The following RANBP3 variants were observed in gnomAD, a reference collection of about 807,000 sequenced individuals.
The protein encoded by RANBP3 is ran-binding protein 3.
In RANBP3, 14 loss-of-function variants were observed where a neutral mutation model predicts 77.3. The ratio of observed to expected loss-of-function variants is 0.18; its 90% CI spans 0.12 to 0.28. RANBP3 has a LOEUF of 0.28. Ranked by LOEUF, RANBP3 falls within the 10% of genes least tolerant of loss-of-function variation. RANBP3 has a pLI of 1.00. For missense variants in RANBP3, 586 were observed against 752.3 expected (o/e 0.78, Z 2.59); for synonymous variants, 315 against 312.4 (o/e 1.01, Z -0.09).
intron 14 of RANBP3, among the ~76,000 whole-genome samples, chr19:5,919,850 G>A (rs1441636327): frequency 7.0e-6 from 1 of 141,854 alleles, no homozygotes. Flanking sequence ...GCGGTGGGCC[G>A]AAACGAAGCC....
chr19:5,920,947 C>T, intron 14 of RANBP3: 1 of 319,816 alleles, frequency 3.1e-6, no homozygotes, highest in Non-Finnish European at 5.7e-6. Flanking sequence ...TAAAAACTTC[C>T]ATAGACTTTT....
At chr19:5,919,510 C>CAGGCAGAGGGGATGACCT (rs1833821205) in intron 14 of RANBP3, among the ~76,000 whole-genome samples, 1 of 152,222 alleles carries the variant, frequency 6.6e-6, no homozygotes, top group Non-Finnish European at 1.5e-5. Flanking sequence ...GCTGATGACC[C>CAGGCAGAGGGGATGACCT]AGGCAGAGGG....
At chr19:5,946,570 G>A (rs1208330117) in intron 3 of RANBP3, among the ~76,000 whole-genome samples, 5 of 152,190 alleles carry the variant, frequency 3.3e-5, no homozygotes, top group African/African-American at 7.2e-5. Context: ...AAGACCCAGC[G>A]GAGGGAAGCA....
chr19:5,961,608 C>T (rs866010451), intron 1 of RANBP3, among the ~76,000 whole-genome samples: 18 of 152,120 alleles, frequency 1.2e-4, no homozygotes, highest in African/African-American at 4.3e-4. Flanking sequence ...GTGGCGCAAC[C>T]TGTAAGCCCA....
intron 13 of RANBP3, among the ~76,000 whole-genome samples, chr19:5,922,624 C>G (rs2057837722): frequency 6.6e-6 from 1 of 152,228 alleles, no homozygotes; most frequent in Admixed American, 6.5e-5. Context: ...GTATGACAGT[C>G]TTTGTCATTC....
At chr19:5,969,667 G>A (rs1251968698) in intron 1 of RANBP3, among the ~76,000 whole-genome samples, 1 of 152,216 alleles carries the variant, frequency 6.6e-6, no homozygotes, top group Admixed American at 6.5e-5. Flanking sequence ...TAGACTCCAT[G>A]GCTGGAGACA....
At position 5,924,538 on chromosome 19, in the gene RANBP3, C is replaced by T. The variant is rs565097732; in HGVS notation, c.996+289G>A. Among the ~76,000 whole-genome samples, 44 of 152,342 alleles carry T rather than the reference C, an allele frequency of 2.9e-4. No individual in the cohort carries two copies. The highest frequency in any genetic ancestry group is 2.0e-3 in the Admixed American group (31 of 15,306). On this transcript the variant is annotated intron_variant, in intron 11 of 16. Coordinates refer to ENST00000340578, the MANE Select transcript of RANBP3 (RefSeq NM_007322.3). The surrounding 1 kb of genome is among the most constrained non-coding windows in gnomAD (Gnocchi z 4.7). ...CCTGGTGGGGAGGAACCATGGACCCCGACTGCCAGCAGGACCCTGCAGCCT... is the reference window on the plus strand; with the variant it reads ...CCTGGTGGGGAGGAACCATGGACCCTGACTGCCAGCAGGACCCTGCAGCCT...
At chr19:5,947,271 G>A (rs1203556855) in intron 3 of RANBP3, among the ~76,000 whole-genome samples, 24 of 148,128 alleles carry the variant, frequency 1.6e-4, no homozygotes, top group Non-Finnish European at 3.1e-4. Flanking sequence ...CCCAGATGGC[G>A]CCACTGCTCT....
chr19:5,956,756 G>C (rs1239950670), intron 2 of RANBP3, among the ~76,000 whole-genome samples: 2 of 152,194 alleles, frequency 1.3e-5, no homozygotes, highest in African/African-American at 4.8e-5. Flanking sequence ...GCTGGCTTTG[G>C]GACAGGACCT....
At chr19:5,964,848 A>AG (rs1327034714) in intron 1 of RANBP3, among the ~76,000 whole-genome samples, 3 of 4,726 alleles carry the variant, frequency 6.3e-4, no homozygotes, top group Admixed American at 3.7e-3. Context: ...TGGAGGTGGT[A>AG]GGGTGGGGGG....
At chr19:5,941,746 T>A in intron 4 of RANBP3, 39 bp from the exon 5 acceptor site, 1 of 1,612,456 alleles carries the variant, frequency 6.2e-7, no homozygotes, top group Non-Finnish European at 8.5e-7. Context: ...AAAAATCAGG[T>A]TGCTTCTGTC....
intron 5 of RANBP3, among the ~76,000 whole-genome samples, chr19:5,939,650 C>T (rs933250354): frequency 2.0e-5 from 3 of 152,180 alleles, no homozygotes; most frequent in Non-Finnish European, 2.9e-5. Context: ...GTGGGGTGGA[C>T]GCTCAGAGAT....
At chr19:5,936,678 G>A (rs12462305) in intron 5 of RANBP3, among the ~76,000 whole-genome samples, 80,402 of 152,062 alleles carry the variant, frequency 0.53, 22,047 homozygotes, top group East Asian at 0.67. Flanking sequence ...AGTAAGGGCA[G>A]TGCTCAAATG....
intron 5 of RANBP3, chr19:5,933,695 C>T (rs1271837734): frequency 8.1e-6 from 4 of 491,030 alleles, no homozygotes; most frequent in Non-Finnish European, 1.5e-5. Context: ...GGAACGATGG[C>T]TCTTGGGCCA....
intron 12 of RANBP3, among the ~76,000 whole-genome samples, chr19:5,923,557 C>G (rs1358877375): frequency 6.6e-6 from 1 of 152,124 alleles, no homozygotes; most frequent in Non-Finnish European, 1.5e-5. Flanking sequence ...GACGGGGGGA[C>G]AGTGAGGGAC....
chr19:5,938,962 A>G (rs1387189969), intron 5 of RANBP3, among the ~76,000 whole-genome samples: 1 of 151,674 alleles, frequency 6.6e-6, no homozygotes, highest in Non-Finnish European at 1.5e-5. Flanking sequence ...AGACAGGTGC[A>G]TCACCTGAGG....
chr19:5,940,602 T>C (rs531866679), intron 5 of RANBP3, among the ~76,000 whole-genome samples: 16 of 152,204 alleles, frequency 1.1e-4, no homozygotes, highest in Non-Finnish European at 2.1e-4. Context: ...CTTCCTACGC[T>C]GTGTGTTCCT....
intron 5 of RANBP3, among the ~76,000 whole-genome samples, chr19:5,938,383 C>T (rs572023004): frequency 1.3e-5 from 2 of 152,262 alleles, no homozygotes; most frequent in Admixed American, 6.5e-5. Flanking sequence ...GGGGGAGCGG[C>T]TTTCCTTAAA....
At chr19:5,918,677 C>T (rs546582662) in intron 14 of RANBP3, 39 bp from the exon 15 acceptor site, 4 of 1,601,240 alleles carry the variant, frequency 2.5e-6, no homozygotes, top group Admixed American at 1.7e-5. Context: ...GCCCCCACAC[C>T]GGCCCCCTCA....
Sources: allele counts gnomAD v4.1 joint callset (sites outside exome capture counted in the v4.1 genomes callset), GRCh38; gene constraint gnomAD v4.1.1; non-coding constraint Gnocchi (gnomAD v3.1); transcripts MANE v1.5; gene names NCBI Gene and HGNC (gene_info 2026-07-23, HGNC 2026-07-21).